The following EPB41L5 variants were observed in gnomAD, a reference collection of about 807,000 sequenced individuals.
EPB41L5 encodes the protein erythrocyte membrane protein band 4.1 like 5.
EPB41L5 carries 55 observed loss-of-function variants against 106.6 expected under a neutral mutation model. The ratio of observed to expected loss-of-function variants is 0.52; its 90% CI spans 0.42 to 0.65. The LOEUF (loss-of-function observed/expected upper bound fraction) is 0.65, where lower values mean the gene tolerates loss of function less well. Ranked by LOEUF, EPB41L5 falls within the 30% of genes least tolerant of loss-of-function variation. The probability of loss-of-function intolerance (pLI) is 0.00; values close to 1 mark genes in which losing one functional copy is unlikely to be tolerated. For synonymous variants in EPB41L5, 297 were observed against 306.7 expected (o/e 0.97, Z 0.33); for missense variants, 871 against 882.1 (o/e 0.99, Z 0.16).
chr2:120,027,710 G>C (rs753799503), intron 2 of EPB41L5, among the ~76,000 whole-genome samples: 1 of 152,018 alleles, frequency 6.6e-6, no homozygotes, highest in Non-Finnish European at 1.5e-5. Flanking sequence ...GCCTGGCTTA[G>C]GGTTTCTTTT....
At chr2:120,131,806 T>A in intron 18 of EPB41L5, 91 bp downstream of exon 18, 2 of 942,500 alleles carry the variant, frequency 2.1e-6, no homozygotes, top group Non-Finnish European at 3.3e-6. Context: ...CTTTTTTCTT[T>A]AGCTGGGAAA....
In EPB41L5 at chr2:120,144,623, G is replaced by A. The variant is rs72954757; in HGVS notation, c.1728+1492G>A. ...AACATTTATGGAAGAAATATTAGCA[G>A]TTCTACAAAGTTTTTCAAAAAGATA... On this transcript the variant is annotated intron_variant, in intron 19 of 24. Coordinates refer to ENST00000263713, the MANE Select transcript of EPB41L5 (RefSeq NM_020909.4). Among the ~76,000 whole-genome samples, 675 of 152,152 alleles carry A rather than the reference G, an allele frequency of 4.4e-3. 4 individuals carry two copies. Among genetic ancestry groups the A allele is most frequent in the African/African-American group, 0.015 (620 of 41,518 alleles).
In EPB41L5 at chr2:120,074,119, G is replaced by T. The variant is rs1471269390; in HGVS notation, c.348G>T (p.Leu116=). ...TGACAGTTGGTTCACCCTATTGTCTGCATCTTCGAGTTAAGTTTTATTCCT... is the reference window on the plus strand; with the variant it reads ...TGACAGTTGGTTCACCCTATTGTCTTCATCTTCGAGTTAAGTTTTATTCCT... ...KQVKIGSPYC[L]HLRVKFYSSE... Residue 116 remains leucine (L), a synonymous_variant, in exon 5 of 25, where the codon CTG becomes CTT. Transcript: ENST00000263713. 1.6e-5 allele frequency: 25 copies of T among 1,610,106 alleles called. No homozygotes were observed. The highest frequency in any genetic ancestry group is 2.0e-5 in the Non-Finnish European group (24 of 1,178,100).
At chr2:120,102,128 T>C (rs946516376) in intron 16 of EPB41L5, among the ~76,000 whole-genome samples, 2 of 152,218 alleles carry the variant, frequency 1.3e-5, no homozygotes, top group South Asian at 4.1e-4. Context: ...GAAGTGTCTT[T>C]GCCTATTATG....
In EPB41L5 at chr2:120,078,560, C is replaced by T. The variant is rs1682413931; in HGVS notation, c.782C>T (p.Thr261Ile). 6.2e-7 allele frequency: 1 copy of T among 1,604,662 alleles called. No individual in the cohort carries two copies. The highest frequency in any genetic ancestry group is 1.7e-5 in the Admixed American group (1 of 58,736). ...GGAGTCCTTGTTTTTGAAGGAGATA[C>T]CAAAATTGGCTTATTTTTTTGGTAA... ...PTGVLVFEGD[T>I]KIGLFFWPKI... Residue 261 changes from threonine (T) to isoleucine (I), a missense_variant, in exon 10 of 25, where the codon ACC becomes ATC. Transcript: ENST00000263713.
chr2:120,089,487 G>A (rs1683272760), intron 11 of EPB41L5, among the ~76,000 whole-genome samples: 1 of 152,062 alleles, frequency 6.6e-6, no homozygotes, highest in Non-Finnish European at 1.5e-5. Context: ...ATCTAAACGT[G>A]TACCTATGTA....
chr2:120,172,404 C>T (rs750609150), intron 24 of EPB41L5, among the ~76,000 whole-genome samples: 1 of 152,124 alleles, frequency 6.6e-6, no homozygotes, highest in African/African-American at 2.4e-5. Flanking sequence ...AGGGGAAAAA[C>T]GGAGTACGTA....
At chr2:120,173,897 C>G (rs894211558) in intron 24 of EPB41L5, among the ~76,000 whole-genome samples, 1 of 152,186 alleles carries the variant, frequency 6.6e-6, no homozygotes, top group African/African-American at 2.4e-5. Context: ...GTTGCCCAGA[C>G]TGGTCCCGAA....
In EPB41L5 at chr2:120,166,682, C is replaced by T. The variant is rs967895657; in HGVS notation, c.1963-784C>T. Reference sequence around the variant, plus strand: ...TGATCTCTTGACCTCATGATCTGCCCACCTCGCCCTCTCAAAATGCTGGGG... The same window carrying T: ...TGATCTCTTGACCTCATGATCTGCCTACCTCGCCCTCTCAAAATGCTGGGG... On this transcript the variant is annotated intron_variant, in intron 22 of 24. Coordinates refer to ENST00000263713, the MANE Select transcript of EPB41L5 (RefSeq NM_020909.4). Among the ~76,000 whole-genome samples, 8 of 152,320 alleles carry T rather than the reference C, an allele frequency of 5.3e-5. No individual in the cohort carries two copies. In the East Asian group the frequency reaches 9.6e-4, roughly 18 times the overall value.
rs1422533885 is a variant in EPB41L5, at chr2:120,104,231, T to G, written c.1337+3417T>G. 5 of 1,535,550 alleles carry G rather than the reference T, an allele frequency of 3.3e-6. No homozygotes were observed. In the South Asian group the frequency reaches 6.0e-5, roughly 18 times the overall value. ...ATTTTCCTGGCCATACAGCCATGACTGAGATATGAGTGTTGAGCCTCTTAG... is the reference window on the plus strand; with the variant it reads ...ATTTTCCTGGCCATACAGCCATGACGGAGATATGAGTGTTGAGCCTCTTAG... On this transcript the variant is annotated intron_variant, in intron 16 of 24. Transcript: ENST00000263713.
In EPB41L5 at chr2:120,087,187, T is replaced by C; in HGVS notation, c.820T>C (p.Leu274=). Residue 274 remains leucine, a synonymous_variant, in exon 11 of 25, where the codon TTG becomes CTG. Coordinates refer to ENST00000263713, the MANE Select transcript of EPB41L5 (RefSeq NM_020909.4). ...ATATTATAGGCCGAAGATAACCAGA[T>C]TGGATTTTAAGAAGAATAAATTAAC... is the stretch of plus-strand genomic sequence containing the variant. ...GLFFWPKITR[L]DFKKNKLTLV... 6.3e-7 allele frequency: 1 copy of C among 1,586,106 alleles called. No individual in the cohort carries two copies. Among genetic ancestry groups the C allele is most frequent in the Non-Finnish European group, 8.6e-7 (1 of 1,156,190 alleles).
chr2:120,026,753 T>A (rs892180146), intron 2 of EPB41L5, among the ~76,000 whole-genome samples: 6 of 152,120 alleles, frequency 3.9e-5, no homozygotes, highest in African/African-American at 1.4e-4. Context: ...AAATGAAAAA[T>A]TTTTCATTTA....
intron 16 of EPB41L5, among the ~76,000 whole-genome samples, chr2:120,126,252 A>G (rs756600919): frequency 3.3e-5 from 5 of 152,024 alleles, no homozygotes; most frequent in African/African-American, 4.8e-5. Context: ...TTCCCCCCCA[A>G]TTTGTGGCAT....
At chr2:120,072,965 G>A (rs1441121709) in intron 3 of EPB41L5, among the ~76,000 whole-genome samples, 1 of 150,990 alleles carries the variant, frequency 6.6e-6, no homozygotes, top group Non-Finnish European at 1.5e-5. Context: ...GTTTTAGGTC[G>A]TTTTTGTTCA....
chr2:120,104,136 G>A (rs566896054), intron 16 of EPB41L5: 24 of 1,535,966 alleles, frequency 1.6e-5, no homozygotes, highest in African/African-American at 5.5e-5. Context: ...ACCCCAGACC[G>A]CACATAGAAA....
intron 3 of EPB41L5, among the ~76,000 whole-genome samples, chr2:120,044,252 ATTTCTTTTATT>A (rs1679620272): frequency 6.6e-6 from 1 of 151,720 alleles, no homozygotes; most frequent in Non-Finnish European, 1.5e-5. Flanking sequence ...TGTAGGAGAT[ATTTCTTTTATT>A]TTTCTTTCTA....
chr2:120,015,199 C>T (rs1471206055), intron 1 of EPB41L5, among the ~76,000 whole-genome samples: 1 of 151,728 alleles, frequency 6.6e-6, no homozygotes, highest in Non-Finnish European at 1.5e-5. Context: ...TAGCGGCGGG[C>T]ACCTGTAGTC....
chr2:120,131,752 C>G (rs1685703616), intron 18 of EPB41L5, 37 bp downstream of exon 18: 2 of 1,348,340 alleles, frequency 1.5e-6, no homozygotes, highest in Non-Finnish European at 2.1e-6. Flanking sequence ...TGTTACACAT[C>G]TCCAGAGCTC....
At chr2:120,162,112 C>G (rs917066892) in intron 21 of EPB41L5, among the ~76,000 whole-genome samples, 2 of 152,148 alleles carry the variant, frequency 1.3e-5, no homozygotes, top group Non-Finnish European at 2.9e-5. Context: ...TTATAGGCAG[C>G]CTAAGTGTCT....
Sources: gnomAD v4.1 joint callset for allele counts (sites outside exome capture counted in the v4.1 genomes callset) on GRCh38, gnomAD v4.1.1 for gene constraint, MANE v1.5 for transcripts, NCBI Gene and HGNC (gene_info 2026-07-23, HGNC 2026-07-21) for gene names.